SMAD6: variants seen among roughly 807,000 people sequenced by gnomAD.
SMAD6 encodes MAD homolog 6.
A neutral mutation model predicts 39.4 loss-of-function variants in SMAD6; 103 were observed. The observed-to-expected ratio is 2.62, with a 90% CI of 2.23 to 3.08. The LOEUF (loss-of-function observed/expected upper bound fraction) is 3.08, where lower values mean the gene tolerates loss of function less well. Among genes scored for constraint, SMAD6 ranks in the 30% most tolerant of loss-of-function variants. The probability of loss-of-function intolerance (pLI) is 0.00; values close to 1 mark genes in which losing one functional copy is unlikely to be tolerated. For synonymous variants in SMAD6, 445 were observed against 353.3 expected (o/e 1.26, Z -2.91); for missense variants, 1,104 against 742.9 (o/e 1.49, Z -5.65).
At chr15:66,771,191 G>T (rs2140669644) in intron 3 of SMAD6, among the ~76,000 whole-genome samples, 1 of 152,290 alleles carries the variant, frequency 6.6e-6, no homozygotes, top group South Asian at 2.1e-4. Flanking sequence ...TCCTCTGGTG[G>T]GTCCCCTTGC....
At chr15:66,731,298 C>T (rs561785628) in intron 3 of SMAD6, among the ~76,000 whole-genome samples, 21 of 151,622 alleles carry the variant, frequency 1.4e-4, no homozygotes, top group Middle Eastern at 3.4e-3. Flanking sequence ...ATTAGCCGGG[C>T]GTAGTGGCGG....
chr15:66,759,563 A>G (rs1894163275), intron 3 of SMAD6, among the ~76,000 whole-genome samples: 2 of 152,148 alleles, frequency 1.3e-5, no homozygotes, highest in South Asian at 4.2e-4. Flanking sequence ...CAGCACAGTA[A>G]ACTTGATGAT....
rs1407160405 is a variant in SMAD6, at chr15:66,703,364, G to GATGGGAGCTTGGGCAGCCGAGC, written c.107_128dup (p.Glu44TrpfsTer8). The GATGGGAGCTTGGGCAGCCGAGC allele has an allele frequency of 1.4e-6, 2 of 1,475,526 alleles. No homozygotes were observed. The highest frequency in any genetic ancestry group is 2.5e-5 in the Admixed American group (1 of 40,576). 91.4% of individuals were successfully genotyped at this position (1,475,526 alleles called of 1,614,324 possible). On this transcript the variant is annotated frameshift_variant, in exon 1 of 4. Coordinates refer to ENST00000288840, the MANE Select transcript of SMAD6 (RefSeq NM_005585.5). LOFTEE classifies it high-confidence loss of function. ...CGGCGGCGGCGGTGGCGGCGACGAG[G>GATGGGAGCTTGGGCAGCCGAGC]ATGGGAGCTTGGGCAGCCGAGCTGA...
chr15:66,739,171 A>C (rs1595780318), intron 3 of SMAD6, among the ~76,000 whole-genome samples: 3 of 148,990 alleles, frequency 2.0e-5, no homozygotes. Context: ...GCTCACTGCA[A>C]CCTCCGCCTC....
intron 3 of SMAD6, among the ~76,000 whole-genome samples, chr15:66,772,604 T>C (rs1348365826): frequency 6.6e-6 from 1 of 152,234 alleles, no homozygotes; most frequent in Non-Finnish European, 1.5e-5. Flanking sequence ...AGCTGTTAAC[T>C]TATGCAGTGC....
intron 3 of SMAD6, among the ~76,000 whole-genome samples, chr15:66,749,998 T>C (rs1567107109): frequency 6.6e-6 from 1 of 152,180 alleles, no homozygotes; most frequent in East Asian, 1.9e-4. Context: ...TCCAGATTAA[T>C]GTGTACACAT....
intron 3 of SMAD6, among the ~76,000 whole-genome samples, chr15:66,757,119 G>A (rs531611102): frequency 1.3e-5 from 2 of 152,276 alleles, no homozygotes; most frequent in South Asian, 2.1e-4. Context: ...TGTAGTGTAC[G>A]TGATAGTCCT....
At chr15:66,722,256 A>C (rs934579007) in intron 3 of SMAD6, among the ~76,000 whole-genome samples, 4 of 152,208 alleles carry the variant, frequency 2.6e-5, no homozygotes, top group African/African-American at 9.6e-5. Flanking sequence ...CTGTCACGTG[A>C]GAGTGCTCAT....
Position 66,762,097 on chromosome 15 carries a change from G to C in SMAD6, c.953-18900G>C, listed in dbSNP as rs534388582. On this transcript the variant is annotated intron_variant, in intron 3 of 3. Transcript: ENST00000288840. ...TTTGTGTTCTTCTTCCAGTCTGAGGGAGGGCTATTTTGATGTGAGAGAAAA... is the reference window on the plus strand; with the variant it reads ...TTTGTGTTCTTCTTCCAGTCTGAGGCAGGGCTATTTTGATGTGAGAGAAAA... 3.3e-5 allele frequency among the ~76,000 whole-genome samples: 5 copies of C among 152,352 alleles called. No individual in the cohort carries two copies. In the East Asian group the frequency reaches 7.7e-4, roughly 23 times the overall value.
intron 3 of SMAD6, among the ~76,000 whole-genome samples, chr15:66,742,454 C>T (rs947086213): frequency 3.9e-5 from 6 of 152,070 alleles, no homozygotes; most frequent in East Asian, 3.9e-4. Flanking sequence ...CTTCCCAGTG[C>T]GCCTGCCCTG....
At chr15:66,774,833 A>ATTAT (rs1171647673) in intron 3 of SMAD6, among the ~76,000 whole-genome samples, 4 of 146,078 alleles carry the variant, frequency 2.7e-5, no homozygotes, top group African/African-American at 1.0e-4. Context: ...CACTATTCTG[A>ATTAT]TTTATTTTAT....
intron 3 of SMAD6, among the ~76,000 whole-genome samples, chr15:66,745,410 G>A (rs181260408): frequency 6.7e-6 from 1 of 149,256 alleles, no homozygotes; most frequent in East Asian, 2.0e-4. Flanking sequence ...TCCTCACCCC[G>A]ACCTGGCTTC....
At chr15:66,765,621 TACACAAAC>T (rs1014504259) in intron 3 of SMAD6, among the ~76,000 whole-genome samples, 7 of 152,330 alleles carry the variant, frequency 4.6e-5, no homozygotes, top group African/African-American at 1.7e-4. Context: ...ACTCCCTTCC[TACACAAAC>T]ACACAGACCA....
chr15:66,759,403 T>A (rs1007934031), intron 3 of SMAD6, among the ~76,000 whole-genome samples: 8 of 152,164 alleles, frequency 5.3e-5, no homozygotes, highest in African/African-American at 1.9e-4. Context: ...TTTCAACAGC[T>A]TTTGGGGTAC....
chr15:66,749,050 G>GT (rs1893954482), intron 3 of SMAD6, among the ~76,000 whole-genome samples: 1 of 152,224 alleles, frequency 6.6e-6, no homozygotes, highest in South Asian at 2.1e-4. Context: ...TGGGCTGGGT[G>GT]TGGTGGTTCA....
rs1207070369 is a variant in SMAD6, at chr15:66,781,170, C to T, written c.1126C>T (p.Arg376Cys). ...FCLGQLNLEQ[R>C]SESVRRTRSK... ...CCTGGGCCAGCTCAACCTGGAGCAGCGCAGCGAGTCGGTGCGGCGAACGCG... is the reference window on the plus strand; with the variant it reads ...CCTGGGCCAGCTCAACCTGGAGCAGTGCAGCGAGTCGGTGCGGCGAACGCG... The change falls in exon 4 of 4, where the codon CGC becomes TGC. Residue 376 changes from arginine (R) to cysteine (C), a missense_variant. Arg to Cys is a radical substitution (Grantham distance 180). Transcript: ENST00000288840. The T allele has an allele frequency of 6.2e-7, 1 of 1,607,630 alleles. No homozygotes were observed.
intron 3 of SMAD6, among the ~76,000 whole-genome samples, chr15:66,739,144 G>T (rs528559099): frequency 6.8e-6 from 1 of 147,876 alleles, no homozygotes; most frequent in African/African-American, 2.5e-5. Context: ...AGGCTGGAGT[G>T]CAATAGTGCA....
At chr15:66,733,873 A>C (rs1432051893) in intron 3 of SMAD6, among the ~76,000 whole-genome samples, 1 of 152,224 alleles carries the variant, frequency 6.6e-6, no homozygotes, top group African/African-American at 2.4e-5. Flanking sequence ...ATGTTCACAT[A>C]AACTGCAGGA....
At chr15:66,744,208 C>CCA (rs1893867238) in intron 3 of SMAD6, among the ~76,000 whole-genome samples, 2 of 152,014 alleles carry the variant, frequency 1.3e-5, no homozygotes, top group African/African-American at 4.8e-5. Context: ...CAGAAAGAGT[C>CCA]GAAAAAACAA....
Sources: allele counts gnomAD v4.1 joint callset (sites outside exome capture counted in the v4.1 genomes callset), GRCh38; gene constraint gnomAD v4.1.1; transcripts MANE v1.5; gene names NCBI Gene and HGNC (gene_info 2026-07-23, HGNC 2026-07-21).